The following SUPT3H variants were observed in gnomAD, a reference collection of about 807,000 sequenced individuals.
The protein encoded by SUPT3H is transcription initiation protein SPT3 homolog.
A neutral mutation model predicts 44.3 loss-of-function variants in SUPT3H; 44 were observed. The observed-to-expected ratio is 0.99, with a 90% CI of 0.78 to 1.28. The LOEUF (loss-of-function observed/expected upper bound fraction) is 1.28, where lower values mean the gene tolerates loss of function less well. Among genes scored for constraint, SUPT3H ranks in the 50% most tolerant of loss-of-function variants. The probability of loss-of-function intolerance (pLI) is 0.00; values close to 1 mark genes in which losing one functional copy is unlikely to be tolerated. For synonymous variants in SUPT3H, 124 were observed against 125.6 expected (o/e 0.99, Z 0.09); for missense variants, 380 against 387.1 (o/e 0.98, Z 0.15).
At chr6:44,941,394 A>G (rs533500846) in intron 9 of SUPT3H, among the ~76,000 whole-genome samples, 2 of 146,696 alleles carry the variant, frequency 1.4e-5, no homozygotes, top group African/African-American at 5.1e-5. Flanking sequence ...ATGAAGCTTA[A>G]TCTTACTGTA....
intron 3 of SUPT3H, among the ~76,000 whole-genome samples, chr6:45,027,231 T>C (rs904976101): frequency 5.9e-5 from 9 of 152,072 alleles, no homozygotes; most frequent in Non-Finnish European, 1.2e-4. Flanking sequence ...GCTCAAGTAA[T>C]CTGCCCACTT....
At chr6:45,302,699 T>A (rs1015019743) in intron 2 of SUPT3H, among the ~76,000 whole-genome samples, 2 of 152,012 alleles carry the variant, frequency 1.3e-5, no homozygotes, top group East Asian at 3.9e-4. Flanking sequence ...TCTGGGTAGA[T>A]ACCCAGGATT....
At chr6:45,184,535 C>T (rs950869499) in intron 2 of SUPT3H, among the ~76,000 whole-genome samples, 1 of 152,048 alleles carries the variant, frequency 6.6e-6, no homozygotes, top group African/African-American at 2.4e-5. Flanking sequence ...GTTGCATCAA[C>T]GTGGAAAGCC....
intron 2 of SUPT3H, among the ~76,000 whole-genome samples, chr6:45,179,304 G>T (rs1337959175): frequency 6.6e-6 from 1 of 152,146 alleles, no homozygotes; most frequent in Non-Finnish European, 1.5e-5. Flanking sequence ...GAGGTACAAG[G>T]AGGAACTGGT....
downstream of SUPT3H, among the ~76,000 whole-genome samples, chr6:44,822,265 G>C (rs563742936): frequency 6.6e-6 from 1 of 152,262 alleles, no homozygotes; most frequent in South Asian, 2.1e-4. Flanking sequence ...AAAGAAAACA[G>C]ACATTTTAAT....
At chr6:45,352,838 T>C (rs1792342090) in intron 2 of SUPT3H, among the ~76,000 whole-genome samples, 1 of 152,088 alleles carries the variant, frequency 6.6e-6, no homozygotes. Flanking sequence ...TATAATTCTA[T>C]TAGTCAGAAT....
At chr6:45,226,116 T>G (rs1766892315) in intron 2 of SUPT3H, among the ~76,000 whole-genome samples, 1 of 152,212 alleles carries the variant, frequency 6.6e-6, no homozygotes, top group African/African-American at 2.4e-5. Flanking sequence ...CATTTATCAG[T>G]GAATTTAATC....
chr6:45,199,150 A>G (rs1816577458), intron 2 of SUPT3H, among the ~76,000 whole-genome samples: 1 of 151,338 alleles, frequency 6.6e-6, no homozygotes. Context: ...ACAATAAAAT[A>G]CACCTATTTC....
At chr6:45,266,622 C>T (rs571134922) in intron 2 of SUPT3H, among the ~76,000 whole-genome samples, 4 of 151,876 alleles carry the variant, frequency 2.6e-5, no homozygotes, top group African/African-American at 9.6e-5. Flanking sequence ...ATCTATATCC[C>T]TAATAATTTT....
At chr6:44,882,789 T>G (rs181480090) in intron 10 of SUPT3H, among the ~76,000 whole-genome samples, 34 of 152,256 alleles carry the variant, frequency 2.2e-4, no homozygotes, top group African/African-American at 7.2e-4. Context: ...AAAAACCAAA[T>G]GATCATCTCA....
At chr6:44,972,444 C>T (rs183453255) in intron 6 of SUPT3H, among the ~76,000 whole-genome samples, 31 of 152,284 alleles carry the variant, frequency 2.0e-4, no homozygotes, top group Non-Finnish European at 4.3e-4. Flanking sequence ...GCACAGCTCC[C>T]CTCCCAGATG....
intron 6 of SUPT3H, among the ~76,000 whole-genome samples, chr6:44,985,279 C>T (rs552157858): frequency 1.3e-5 from 2 of 151,762 alleles, no homozygotes; most frequent in South Asian, 2.1e-4. Flanking sequence ...CATCTGTAGT[C>T]CCAGCTACTT....
intron 2 of SUPT3H, among the ~76,000 whole-genome samples, chr6:45,252,854 G>GA (rs1562797558): frequency 6.6e-6 from 1 of 151,994 alleles, no homozygotes; most frequent in African/African-American, 2.4e-5. Flanking sequence ...CAGAACACAA[G>GA]AAAAAACCCA....
chr6:45,229,812 C>T (rs1767619855), intron 2 of SUPT3H, among the ~76,000 whole-genome samples: 1 of 152,004 alleles, frequency 6.6e-6, no homozygotes, highest in Admixed American at 6.6e-5. Context: ...AACATCTTGA[C>T]TATTTATTAT....
intron 2 of SUPT3H, among the ~76,000 whole-genome samples, chr6:45,293,714 C>T (rs796996638): frequency 1.3e-5 from 2 of 152,228 alleles, no homozygotes; most frequent in South Asian, 2.1e-4. Context: ...AAGACCTTTA[C>T]ATCCACAGAC....
At chr6:45,230,686 A>ATATATATATTTTTTT (rs796866510) in intron 2 of SUPT3H, among the ~76,000 whole-genome samples, 1 of 116,796 alleles carries the variant, frequency 8.6e-6, no homozygotes, top group African/African-American at 3.1e-5. Context: ...ATATATATAT[A>ATATATATATTTTTTT]TTTTTGAGAT....
chr6:45,243,228 T>C (rs1370454659), intron 2 of SUPT3H, among the ~76,000 whole-genome samples: 1 of 135,316 alleles, frequency 7.4e-6, no homozygotes, highest in Non-Finnish European at 1.5e-5. Flanking sequence ...AAAGCTACTA[T>C]GTATTATATA....
chr6:44,936,822 G>A lies in SUPT3H; in HGVS notation c.802-4059C>T, dbSNP rs142972580. ...AGCTGGGACTACAGGCACACCTACC[G>A]CACCTGGCTTATTTTTGTATTGTTA... On this transcript the variant is annotated intron_variant, in intron 9 of 10. Transcript: ENST00000371459. 4.2e-4 allele frequency among the ~76,000 whole-genome samples: 64 copies of A among 151,928 alleles called. No individual in the cohort carries two copies. The East Asian group carries it at 1.0e-2, about 24-fold the overall frequency.
chr6:45,125,201 C>T (rs1802256731), intron 2 of SUPT3H, among the ~76,000 whole-genome samples: 1 of 152,134 alleles, frequency 6.6e-6, no homozygotes. Flanking sequence ...AATACACAAA[C>T]TTATCAACGT....
Sources: gnomAD v4.1 joint callset for allele counts (sites outside exome capture counted in the v4.1 genomes callset) on GRCh38, gnomAD v4.1.1 for gene constraint, MANE v1.5 for transcripts, NCBI Gene and HGNC (gene_info 2026-07-23, HGNC 2026-07-21) for gene names.